SLC9B2: variants seen among roughly 807,000 people sequenced by gnomAD.
The protein encoded by SLC9B2 is sodium/hydrogen exchanger 9B2.
In SLC9B2, 39 loss-of-function variants were observed where a neutral mutation model predicts 52.2. That is an observed-to-expected ratio of 0.75 (90% confidence interval 0.58 to 0.98). SLC9B2 has a LOEUF of 0.98. Among genes scored for constraint, SLC9B2 ranks in the 50% least tolerant of loss-of-function variants. The probability of loss-of-function intolerance (pLI) is 0.00; values close to 1 mark genes in which losing one functional copy is unlikely to be tolerated. For missense variants in SLC9B2, 626 were observed against 637.5 expected, an observed-to-expected ratio of 0.98 and a Z score of 0.19; for synonymous variants, 214 against 227.0, an observed-to-expected ratio of 0.94 and a Z score of 0.51.
chr4:103,070,597 C>T (rs1159309396), intron 1 of SLC9B2, among the ~76,000 whole-genome samples: 2 of 152,120 alleles, frequency 1.3e-5, no homozygotes, highest in African/African-American at 2.4e-5. Flanking sequence ...CCCGCCACCT[C>T]GCCTGGCTAA....
chr4:103,018,094 AGT>A (rs1741490114), downstream of SLC9B2, among the ~76,000 whole-genome samples: 1 of 152,232 alleles, frequency 6.6e-6, no homozygotes, highest in Non-Finnish European at 1.5e-5. Flanking sequence ...ATTCAATCTC[AGT>A]GTTTAGTAAA....
At chr4:103,065,722 T>C (rs1201396617) in intron 3 of SLC9B2, 1 of 152,200 alleles carries the variant, frequency 6.6e-6, no homozygotes, top group African/African-American at 2.4e-5. Flanking sequence ...ATTTATCAAA[T>C]TGATGGCAGA....
rs1744563838 is a variant in SLC9B2, at chr4:103,050,335, C to T, written c.490G>A (p.Asp164Asn). ...FLIRNIPVINDNVQIKHKWSS... is the reference protein window; with the variant it reads ...FLIRNIPVINNNVQIKHKWSS... ...CACTTGTGCTTGATCTGCACATTAT[C>T]GTTGATGACTGGGATATTTCTGATG... The change falls in exon 5 of 12, where the codon GAT (aspartate) becomes AAT (asparagine). Residue 164 changes from aspartate (D) to asparagine (N), a missense_variant. Physicochemically the swap from Asp to Asn is conservative, Grantham distance 23 (BLOSUM62 1). Coordinates refer to ENST00000394785, the MANE Select transcript of SLC9B2 (RefSeq NM_178833.7). 3.1e-6 allele frequency: 5 copies of T among 1,608,728 alleles called. No homozygotes were observed. The South Asian group carries it at 4.4e-5, about 14-fold the overall frequency.
intron 3 of SLC9B2, among the ~76,000 whole-genome samples, chr4:103,059,977 T>C (rs1167517165): frequency 6.6e-6 from 1 of 152,150 alleles, no homozygotes; most frequent in African/African-American, 2.4e-5. Context: ...TACTATTCCT[T>C]GGTTTTCTGG....
At chr4:103,046,116 G>GT (rs922347005) in intron 7 of SLC9B2, among the ~76,000 whole-genome samples, 4 of 152,168 alleles carry the variant, frequency 2.6e-5, no homozygotes, top group African/African-American at 9.7e-5. Flanking sequence ...GGGATTCTAG[G>GT]TAACAGGCAT....
At chr4:103,052,323 C>G (rs940773255) in intron 4 of SLC9B2, among the ~76,000 whole-genome samples, 1 of 152,220 alleles carries the variant, frequency 6.6e-6, no homozygotes, top group Non-Finnish European at 1.5e-5. Flanking sequence ...AGGCAGAGCT[C>G]AGGCAGTAAT....
chr4:103,032,360 C>T (rs886926047), intron 9 of SLC9B2, among the ~76,000 whole-genome samples: 2 of 152,088 alleles, frequency 1.3e-5, no homozygotes, highest in African/African-American at 4.8e-5. Flanking sequence ...TATCTCAAAT[C>T]ACGCACAAAA....
intron 6 of SLC9B2, 171 bp downstream of exon 6, chr4:103,048,722 A>G: frequency 1.2e-6 from 1 of 833,110 alleles, no homozygotes. Flanking sequence ...GTTAGCGCCT[A>G]TTAACACATA....
At position 103,035,545 on chromosome 4, in the gene SLC9B2, G is replaced by C. The variant is rs532824565; in HGVS notation, c.1147-3737C>G. The stretch of plus-strand genomic sequence containing the variant: ...AATGCATTTCTGTCTTTAGGTGTTT[G>C]AGTAATCACCACACTGTCTTCCACA... On this transcript the variant is annotated intron_variant, in intron 9 of 11. Transcript: ENST00000394785. 3.3e-5 allele frequency among the ~76,000 whole-genome samples: 5 copies of C among 152,204 alleles called. No individual in the cohort carries two copies. The East Asian group carries it at 5.8e-4, about 18-fold the overall frequency.
downstream of SLC9B2, among the ~76,000 whole-genome samples, chr4:103,021,514 C>A (rs1741789441): frequency 6.6e-6 from 1 of 151,922 alleles, no homozygotes; most frequent in Admixed American, 6.6e-5. Flanking sequence ...CATCTGATAA[C>A]CTTTCTTATA....
intron 3 of SLC9B2, among the ~76,000 whole-genome samples, chr4:103,063,301 A>AT (rs946374425): frequency 6.6e-6 from 1 of 152,120 alleles, no homozygotes; most frequent in African/African-American, 2.4e-5. Context: ...TAAGTTTGAG[A>AT]TTTTCTTCCA....
chr4:103,069,126 A>C (rs1297849337), intron 1 of SLC9B2, among the ~76,000 whole-genome samples: 1 of 152,186 alleles, frequency 6.6e-6, no homozygotes, highest in African/African-American at 2.4e-5. Flanking sequence ...AAATTAAAAA[A>C]CTTATTTCAA....
At chr4:103,067,675 C>T in intron 1 of SLC9B2, 83 bp from the exon 2 acceptor site, 1 of 743,126 alleles carries the variant, frequency 1.3e-6, no homozygotes, top group Non-Finnish European at 2.3e-6. Flanking sequence ...TATTTTTTTC[C>T]CTAAAAATTC....
rs1034863290 is a variant in SLC9B2, at chr4:103,051,869, A to G, written c.443-1487T>C. Among the ~76,000 whole-genome samples the G allele has an allele frequency of 3.4e-4, 51 of 152,150 alleles. 1 individual carries two copies. Among genetic ancestry groups the G allele is most frequent in the Non-Finnish European group, 2.6e-4 (18 of 68,040 alleles). ...ATATATCCTGGACATTTTCCCACTG[A>G]AGCACATATATATTTGCTTTATTCT... On this transcript the variant is annotated intron_variant, in intron 4 of 11. Transcript: ENST00000394785.
intron 9 of SLC9B2, among the ~76,000 whole-genome samples, chr4:103,038,163 C>T (rs747741215): frequency 7.2e-5 from 11 of 152,042 alleles, no homozygotes; most frequent in South Asian, 2.1e-4. Flanking sequence ...ACCCAGCCAA[C>T]GTAAGACTTT....
intron 4 of SLC9B2, among the ~76,000 whole-genome samples, chr4:103,051,913 G>T (rs559264852): frequency 1.0e-3 from 152 of 152,258 alleles, no homozygotes; most frequent in Non-Finnish European, 1.9e-3. Context: ...AACTGGAATA[G>T]TATCTCACTG....
intron 10 of SLC9B2, 51 bp downstream of exon 10, chr4:103,031,649 G>T: frequency 7.0e-7 from 1 of 1,418,546 alleles, no homozygotes; most frequent in Non-Finnish European, 9.9e-7. Context: ...TTGGTGAGTA[G>T]GCTGACCAAA....
intron 3 of SLC9B2, among the ~76,000 whole-genome samples, chr4:103,063,005 A>G (rs926818001): frequency 1.3e-5 from 2 of 152,234 alleles, no homozygotes; most frequent in Non-Finnish European, 2.9e-5. Flanking sequence ...GAAGAACAGA[A>G]AAATAAGCGA....
intron 3 of SLC9B2, among the ~76,000 whole-genome samples, chr4:103,062,282 G>C (rs1745719983): frequency 6.6e-6 from 1 of 152,026 alleles, no homozygotes; most frequent in Non-Finnish European, 1.5e-5. Flanking sequence ...AGCCGGGCAT[G>C]GTGGCACGTG....
Sources: allele counts gnomAD v4.1 joint callset (sites outside exome capture counted in the v4.1 genomes callset), GRCh38; gene constraint gnomAD v4.1.1; transcripts MANE v1.5; gene names NCBI Gene and HGNC (gene_info 2026-07-23, HGNC 2026-07-21).